SMCO4: variants seen among roughly 807,000 people sequenced by gnomAD.
SMCO4 encodes single-pass membrane protein with coiled-coil domains 4, also known as single-pass membrane and coiled-coil domain-containing protein 4.
In SMCO4, 4 loss-of-function variants were observed where a neutral mutation model predicts 3.6. That is an observed-to-expected ratio of 1.11 (90% CI 0.54 to 2.53). The LOEUF (loss-of-function observed/expected upper bound fraction) is 2.53. Ranked by LOEUF, SMCO4 falls within the 30% of genes most tolerant of loss-of-function variation. The pLI is 0.02. For synonymous variants in SMCO4, 36 were observed against 35.3 expected, an observed-to-expected ratio of 1.02 and a Z score of -0.07; for missense variants, 70 against 80.8, an observed-to-expected ratio of 0.87 and a Z score of 0.51.
the SMCO4 span, among the ~76,000 whole-genome samples, chr11:93,549,105 T>C: frequency 2.0e-5 from 3 of 152,172 alleles, no homozygotes; most frequent in Non-Finnish European, 4.4e-5. Context: ...TCCCCTGCCT[T>C]ATGGTCAGTG....
chr11:93,506,657 G>A (rs1280371876), intron 1 of SMCO4, among the ~76,000 whole-genome samples: 1 of 151,990 alleles, frequency 6.6e-6, no homozygotes, highest in African/African-American at 2.4e-5. Flanking sequence ...TAGCCAGGAT[G>A]GTCTCGCTCT....
chr11:93,522,698 A>G (rs973542389), intron 1 of SMCO4, among the ~76,000 whole-genome samples: 3 of 152,236 alleles, frequency 2.0e-5, no homozygotes, highest in Non-Finnish European at 4.4e-5. Context: ...GTGGTATAAC[A>G]TAAGTCTGGG....
At chr11:93,486,132 G>A (rs1004220738) in intron 2 of SMCO4, among the ~76,000 whole-genome samples, 8 of 152,146 alleles carry the variant, frequency 5.3e-5, no homozygotes, top group Admixed American at 1.3e-4. Flanking sequence ...CCTATCAAGC[G>A]ACTGCACTAA....
chr11:93,483,599 G>C (rs1399027224), intron 2 of SMCO4, among the ~76,000 whole-genome samples: 1 of 149,258 alleles, frequency 6.7e-6, no homozygotes, highest in Admixed American at 6.6e-5. Context: ...CCCCTGTGAG[G>C]CCAGCTCTAC....
At chr11:93,526,047 G>A (rs1383523873) in intron 1 of SMCO4, among the ~76,000 whole-genome samples, 5 of 152,304 alleles carry the variant, frequency 3.3e-5, no homozygotes, top group East Asian at 1.9e-4. Context: ...CACCTCTCAT[G>A]ACAGGGACTT....
intron 1 of SMCO4, among the ~76,000 whole-genome samples, chr11:93,534,375 TAGAG>T (rs1555079957): frequency 1.1e-4 from 16 of 142,140 alleles, no homozygotes; most frequent in African/African-American, 3.7e-4. Flanking sequence ...TATATATATA[TAGAG>T]AGAGAGAGAG....
intron 1 of SMCO4, among the ~76,000 whole-genome samples, chr11:93,534,677 T>A (rs1949202314): frequency 6.6e-6 from 1 of 152,070 alleles, no homozygotes; most frequent in Non-Finnish European, 1.5e-5. Flanking sequence ...GGGTTCCCCC[T>A]CCACCACTCC....
At chr11:93,515,728 G>A (rs1949002688) in intron 1 of SMCO4, among the ~76,000 whole-genome samples, 1 of 152,096 alleles carries the variant, frequency 6.6e-6, no homozygotes, top group Admixed American at 6.6e-5. Flanking sequence ...CATTTCTCTG[G>A]CTCCACCACC....
chr11:93,497,845 G>A lies in SMCO4; in HGVS notation c.-81+1431C>T, dbSNP rs116470522. 4.9e-3 allele frequency among the ~76,000 whole-genome samples: 745 copies of A among 152,336 alleles called. 6 individuals are homozygous for A. The highest frequency in any genetic ancestry group is 0.017 in the African/African-American group (692 of 41,576). On this transcript the variant is annotated intron_variant, in intron 2 of 2. Coordinates refer to ENST00000298966, the MANE Select transcript of SMCO4 (RefSeq NM_020179.3). ...GCAAAAGAGAAAGCACTCTACAAATGTGAGAGACAGTTGCTGGTTACTGTT... is the reference window on the plus strand; with the variant it reads ...GCAAAAGAGAAAGCACTCTACAAATATGAGAGACAGTTGCTGGTTACTGTT...
chr11:93,526,266 C>G (rs893443460), intron 1 of SMCO4, among the ~76,000 whole-genome samples: 1 of 145,954 alleles, frequency 6.9e-6, no homozygotes, highest in Non-Finnish European at 1.5e-5. Flanking sequence ...CTTGGCTGCT[C>G]AAGATTAGAG....
chr11:93,485,050 A>T (rs1948632331), intron 2 of SMCO4, among the ~76,000 whole-genome samples: 1 of 152,236 alleles, frequency 6.6e-6, no homozygotes, highest in Non-Finnish European at 1.5e-5. Flanking sequence ...TGCTGATTAT[A>T]TGTTGAAATA....
At chr11:93,501,797 A>G (rs12791489) in intron 1 of SMCO4, among the ~76,000 whole-genome samples, 18,133 of 151,904 alleles carry the variant, frequency 0.12, 1,331 homozygotes, top group Non-Finnish European at 0.17. Context: ...GAATTTGTGC[A>G]TGACCTGCTG....
intron 1 of SMCO4, among the ~76,000 whole-genome samples, chr11:93,513,719 G>GA (rs1327346737): frequency 3.3e-5 from 5 of 152,274 alleles, no homozygotes; most frequent in African/African-American, 1.2e-4. Context: ...GTGACAAAAG[G>GA]AATCTTCACT....
In SMCO4 at chr11:93,479,217, G is replaced by C; in HGVS notation, c.-28C>G. On this transcript the variant is annotated 5_prime_UTR_variant, in exon 3 of 3. Transcript: ENST00000298966. ...TTCCTAGAGGATGCTAGGAGGGTGT[G>C]TCCAGAGGGATTCCAGGAAGGGCCA... 1 of 1,601,194 alleles carries C rather than the reference G, an allele frequency of 6.2e-7. No individual in the cohort carries two copies. Among genetic ancestry groups the C allele is most frequent in the Non-Finnish European group, 8.5e-7 (1 of 1,171,600 alleles).
Position 93,478,910 on chromosome 11 carries a change from A to C in SMCO4, c.*100T>G, listed in dbSNP as rs1948552972. 1 of 1,465,430 alleles carries C rather than the reference A, an allele frequency of 6.8e-7. No individual in the cohort carries two copies. Among genetic ancestry groups the C allele is most frequent in the East Asian group, 2.5e-5 (1 of 40,568 alleles). The allele number at this position is 1,465,430 out of a possible 1,614,324, so 90.8% of individuals were successfully genotyped here. A position where few individuals can be genotyped will look rare whatever the true frequency, so the allele number is the denominator to read the frequency against. ...GACAGGGTGCTCCTGCTTACAGCTC[A>C]GCAACATGAACATCTCTGAATATGA... On this transcript the variant is annotated 3_prime_UTR_variant, in exon 3 of 3. Coordinates refer to ENST00000298966, the MANE Select transcript of SMCO4 (RefSeq NM_020179.3).
At chr11:93,530,871 C>G (rs2605629) in intron 1 of SMCO4, among the ~76,000 whole-genome samples, 120,452 of 152,148 alleles carry the variant, frequency 0.79, 48,036 homozygotes, top group South Asian at 0.87. Flanking sequence ...GACTCTTCCA[C>G]TTTTTCAGCA....
chr11:93,496,123 A>G (rs1811951211), intron 2 of SMCO4, among the ~76,000 whole-genome samples: 1 of 152,238 alleles, frequency 6.6e-6, no homozygotes, highest in Admixed American at 6.5e-5. Flanking sequence ...TGATTTGACA[A>G]GAATTTTTAA....
chr11:93,534,104 T>C (rs1396858142), intron 1 of SMCO4, among the ~76,000 whole-genome samples: 2 of 150,968 alleles, frequency 1.3e-5, no homozygotes, highest in Non-Finnish European at 2.9e-5. Flanking sequence ...GGCAGGAGAA[T>C]TGCTTGAACC....
intron 1 of SMCO4, chr11:93,535,329 T>G: frequency 1.7e-6 from 1 of 583,760 alleles, no homozygotes; most frequent in East Asian, 2.9e-5. Context: ...CCTTGAGGGT[T>G]TGGTTCCCTC....
Sources: allele counts gnomAD v4.1 joint callset (sites outside exome capture counted in the v4.1 genomes callset), GRCh38; gene constraint gnomAD v4.1.1; transcripts MANE v1.5; gene names NCBI Gene and HGNC (gene_info 2026-07-23, HGNC 2026-07-21).